Variants in ARHGEF26 observed in about 807,000 individuals in gnomAD.
The protein encoded by ARHGEF26 is Rho guanine nucleotide exchange factor 26, also known as Rho guanine nucleotide exchange factor (GEF) 26.
ARHGEF26 carries 59 observed loss-of-function variants against 89.4 expected under a neutral mutation model. That is an observed-to-expected ratio of 0.66 (90% confidence interval 0.54 to 0.82). The LOEUF (loss-of-function observed/expected upper bound fraction) is 0.82, where lower values mean the gene tolerates loss of function less well. Among genes scored for constraint, ARHGEF26 ranks in the 40% least tolerant of loss-of-function variants. The pLI is 0.00. For missense variants in ARHGEF26, 1,234 were observed against 1,085.6 expected, an observed-to-expected ratio of 1.14 and a Z score of -1.92; for synonymous variants, 500 against 428.4, an observed-to-expected ratio of 1.17 and a Z score of -2.06.
intron 6 of ARHGEF26, among the ~76,000 whole-genome samples, chr3:154,179,154 C>G (rs984863758): frequency 3.3e-5 from 5 of 152,146 alleles, no homozygotes; most frequent in African/African-American, 1.2e-4. Context: ...TGAAAATCAT[C>G]CAATAGCCAT....
intron 6 of ARHGEF26, among the ~76,000 whole-genome samples, chr3:154,185,282 C>T (rs1006949965): frequency 5.9e-5 from 9 of 152,110 alleles, no homozygotes; most frequent in African/African-American, 2.2e-4. Flanking sequence ...TCACACTCCA[C>T]AGGTTTAAGG....
intron 9 of ARHGEF26, among the ~76,000 whole-genome samples, chr3:154,217,593 G>C (rs1715846207): frequency 6.6e-6 from 1 of 152,136 alleles, no homozygotes; most frequent in Admixed American, 6.5e-5. Context: ...CTTTGAGGTT[G>C]GCCATCTCCC....
chr3:154,150,631 A>G (rs1001401582), intron 5 of ARHGEF26, among the ~76,000 whole-genome samples: 1 of 151,980 alleles, frequency 6.6e-6, no homozygotes, highest in African/African-American at 2.4e-5. Flanking sequence ...TTTTTTATCT[A>G]TTTTTCCAAT....
chr3:154,192,174 G>C (rs1484267783), intron 8 of ARHGEF26, among the ~76,000 whole-genome samples: 2 of 152,122 alleles, frequency 1.3e-5, no homozygotes, highest in Non-Finnish European at 1.5e-5. Context: ...GTGTCTTTTT[G>C]ATCTAATTAG....
At chr3:154,240,724 A>G (rs765470354) in intron 12 of ARHGEF26, 145 bp downstream of exon 12, 4 of 659,842 alleles carry the variant, frequency 6.1e-6, no homozygotes, top group Non-Finnish European at 1.0e-5. Context: ...ATGACTGGGT[A>G]ATTTTTACAG....
At chr3:154,246,093 A>G (rs1475826222) in intron 12 of ARHGEF26, among the ~76,000 whole-genome samples, 1 of 152,198 alleles carries the variant, frequency 6.6e-6, no homozygotes, top group Admixed American at 6.5e-5. Flanking sequence ...AAAGCTGGTG[A>G]TGTGATCCGG....
At chr3:154,232,719 C>T (rs542708635) in intron 11 of ARHGEF26, among the ~76,000 whole-genome samples, 2 of 152,296 alleles carry the variant, frequency 1.3e-5, no homozygotes, top group African/African-American at 4.8e-5. Flanking sequence ...ATTTAATCCT[C>T]TCAACAATCC....
At chr3:154,247,623 CTCTA>C (rs34211875) in intron 12 of ARHGEF26, among the ~76,000 whole-genome samples, 20,699 of 152,122 alleles carry the variant, frequency 0.14, 1,747 homozygotes, top group East Asian at 0.38. Context: ...ACTAGCTTTT[CTCTA>C]TCTGAGACAA....
At chr3:154,233,260 T>C (rs1275011052) in intron 11 of ARHGEF26, among the ~76,000 whole-genome samples, 1 of 152,164 alleles carries the variant, frequency 6.6e-6, no homozygotes, top group African/African-American at 2.4e-5. Flanking sequence ...TAAAACCAAA[T>C]TGAAATGGAA....
chr3:154,206,715 T>C (rs1489918248), intron 9 of ARHGEF26, among the ~76,000 whole-genome samples: 1 of 152,138 alleles, frequency 6.6e-6, no homozygotes, highest in Non-Finnish European at 1.5e-5. Flanking sequence ...TCAATGCTTT[T>C]ATTATTAAAC....
intron 6 of ARHGEF26, among the ~76,000 whole-genome samples, chr3:154,186,166 C>CACACACACACA (rs397991429): frequency 4.8e-5 from 7 of 144,806 alleles, no homozygotes; most frequent in African/African-American, 1.9e-4. Flanking sequence ...CACACACACA[C>CACACACACACA]CCCTATACAC....
At chr3:154,182,725 G>A (rs554402328) in intron 6 of ARHGEF26, among the ~76,000 whole-genome samples, 3 of 152,338 alleles carry the variant, frequency 2.0e-5, no homozygotes, top group South Asian at 2.1e-4. Context: ...TCACCGCTGA[G>A]AGCTGAGGCA....
intron 12 of ARHGEF26, among the ~76,000 whole-genome samples, chr3:154,247,358 C>T (rs1717862390): frequency 6.6e-6 from 1 of 152,136 alleles, no homozygotes; most frequent in African/African-American, 2.4e-5. Flanking sequence ...CAGAACAGAT[C>T]CATCACCTGC....
chr3:154,190,328 A>G (rs1437392715), intron 7 of ARHGEF26, among the ~76,000 whole-genome samples: 1 of 152,162 alleles, frequency 6.6e-6, no homozygotes, highest in African/African-American at 2.4e-5. Flanking sequence ...CCTGGCCAAC[A>G]TGAAACCTTT....
chr3:154,194,237 C>T (rs1347824644), intron 8 of ARHGEF26, among the ~76,000 whole-genome samples: 1 of 152,092 alleles, frequency 6.6e-6, no homozygotes, highest in Non-Finnish European at 1.5e-5. Context: ...TACCCTATGC[C>T]AGGCACTAAT....
chr3:154,194,233 A>G (rs1457109925), intron 8 of ARHGEF26, among the ~76,000 whole-genome samples: 2 of 152,240 alleles, frequency 1.3e-5, no homozygotes, highest in African/African-American at 2.4e-5. Context: ...GGCATACCCT[A>G]TGCCAGGCAC....
At position 154,257,121 on chromosome 3, in the gene ARHGEF26, C is replaced by A; in HGVS notation, c.*1648C>A. 1.0e-6 allele frequency: 1 copy of A among 1,004,526 alleles called. No homozygotes were observed. The highest frequency in any genetic ancestry group is 1.4e-6 in the Non-Finnish European group (1 of 723,872). 62.2% of individuals were successfully genotyped at this position (1,004,526 alleles called of 1,614,324 possible). The stretch of plus-strand genomic sequence containing the variant: ...GAAGCCCAGTTGAGGGGTAAGTGTG[C>A]CTGGCTCACACAGCCTGCACCCTGT... On this transcript the variant is annotated 3_prime_UTR_variant, in exon 15 of 15. Transcript: ENST00000465093.
chr3:154,226,660 TACACACACACACAC>T (rs3029724), intron 11 of ARHGEF26, among the ~76,000 whole-genome samples: 2 of 148,160 alleles, frequency 1.3e-5, no homozygotes, highest in South Asian at 2.2e-4. Flanking sequence ...GTTTCTGTTC[TACACACACACACAC>T]ACACACACAC....
intron 12 of ARHGEF26, among the ~76,000 whole-genome samples, chr3:154,246,611 C>T (rs1334378466): frequency 6.6e-6 from 1 of 152,172 alleles, no homozygotes; most frequent in African/African-American, 2.4e-5. Flanking sequence ...TTTAGAACCA[C>T]ATAAGCCATA....
Sources: allele counts gnomAD v4.1 joint callset (sites outside exome capture counted in the v4.1 genomes callset), GRCh38; gene constraint gnomAD v4.1.1; transcripts MANE v1.5; gene names NCBI Gene and HGNC (gene_info 2026-07-23, HGNC 2026-07-21).